Variants in PPFIA2 observed in about 807,000 individuals in gnomAD.
PPFIA2 encodes PPFI scaffold protein A2, also known as liprin-alpha-2.
Under a neutral mutation model 175.5 loss-of-function variants are expected in PPFIA2, and 46 were observed. The ratio of observed to expected loss-of-function variants is 0.26; its 90% CI spans 0.21 to 0.34. PPFIA2 has a LOEUF of 0.34. PPFIA2 is among the 10% of genes least tolerant of loss of function. The pLI is 1.00. For synonymous variants in PPFIA2, 568 were observed against 511.4 expected, an observed-to-expected ratio of 1.11 and a Z score of -1.49; for missense variants, 1,179 against 1,506.1, an observed-to-expected ratio of 0.78 and a Z score of 3.60.
intron 3 of PPFIA2, among the ~76,000 whole-genome samples, chr12:81,732,693 A>T (rs547159011): frequency 2.0e-5 from 3 of 151,588 alleles, no homozygotes; most frequent in Non-Finnish European, 4.4e-5. Context: ...TTAATGACAT[A>T]GATAATTGCT....
chr12:81,738,765 G>C (rs951808079), intron 3 of PPFIA2, among the ~76,000 whole-genome samples: 1 of 151,298 alleles, frequency 6.6e-6, no homozygotes, highest in Non-Finnish European at 1.5e-5. Flanking sequence ...TAATTATAAA[G>C]ATACCAAATA....
At chr12:81,263,925 G>A (rs574002641) in intron 30 of PPFIA2, among the ~76,000 whole-genome samples, 1 of 152,130 alleles carries the variant, frequency 6.6e-6, no homozygotes, top group Non-Finnish European at 1.5e-5. Flanking sequence ...CTAAATATGT[G>A]ATTTGTGAAG....
At chr12:81,366,951 TGTAC>T in intron 14 of PPFIA2, among the ~76,000 whole-genome samples, 153 bp downstream of exon 14, 1 of 151,820 alleles carries the variant, frequency 6.6e-6, no homozygotes, top group South Asian at 2.1e-4. Flanking sequence ...TTCCTCTCTA[TGTAC>T]GCTTTTCTGC....
At chr12:81,580,187 C>T (rs1454514059) in intron 4 of PPFIA2, among the ~76,000 whole-genome samples, 2 of 151,796 alleles carry the variant, frequency 1.3e-5, no homozygotes, top group African/African-American at 4.8e-5. Context: ...TGCATTCGTG[C>T]ATGTCAAGCC....
intron 18 of PPFIA2, among the ~76,000 whole-genome samples, chr12:81,345,764 T>C (rs1168275557): frequency 6.6e-6 from 1 of 152,188 alleles, no homozygotes; most frequent in East Asian, 1.9e-4. Context: ...ATATCTTATA[T>C]AGGCAGAAAC....
intron 3 of PPFIA2, among the ~76,000 whole-genome samples, chr12:81,680,572 ACT>A (rs1475477226): frequency 6.6e-6 from 1 of 151,662 alleles, no homozygotes; most frequent in Non-Finnish European, 1.5e-5. Flanking sequence ...ATATCCCGTG[ACT>A]CTCCCAGAAC....
chr12:81,431,501 GC>G (rs1403136482), intron 7 of PPFIA2: 1 of 152,084 alleles, frequency 6.6e-6, no homozygotes, highest in Non-Finnish European at 1.5e-5. Flanking sequence ...ATTCAAAAAG[GC>G]CTAAAATTAC....
At chr12:81,552,789 C>T (rs777305876) in intron 4 of PPFIA2, among the ~76,000 whole-genome samples, 19 of 152,090 alleles carry the variant, frequency 1.2e-4, no homozygotes, top group Non-Finnish European at 1.8e-4. Context: ...ATCCCATTCA[C>T]GCTAAACAGT....
intron 4 of PPFIA2, among the ~76,000 whole-genome samples, chr12:81,554,437 C>T (rs986798216): frequency 1.3e-5 from 2 of 151,990 alleles, no homozygotes; most frequent in Admixed American, 6.6e-5. Flanking sequence ...AACTCTGCTC[C>T]TACCTAAATC....
chr12:81,696,961 T>A (rs2075966791), intron 3 of PPFIA2, among the ~76,000 whole-genome samples: 1 of 151,970 alleles, frequency 6.6e-6, no homozygotes, highest in Non-Finnish European at 1.5e-5. Flanking sequence ...AGAAATAGGT[T>A]TTTTTGACAT....
At position 81,362,781 on chromosome 12, in the gene PPFIA2, T is replaced by C. The variant is rs1018134188; in HGVS notation, c.1549A>G (p.Arg517Gly). Reference sequence around the variant, plus strand: ...AGCTTTTCAATTTCTTCTGCTAATCTTTCCTAAAAAATCAAAACAGTGTTA... The same window carrying C: ...AGCTTTTCAATTTCTTCTGCTAATCCTTCCTAAAAAATCAAAACAGTGTTA... The part of the protein sequence containing the change: ...NLEESLHDKE[R>G]LAEEIEKLRS... Residue 517 changes from arginine to glycine, a missense_variant, in exon 15 of 33, where the codon AGA becomes GGA. Arg to Gly is a moderately radical substitution (Grantham distance 125). This residue lies in a region of PPFIA2 where 186 missense variants were observed against 163.6 expected (regional missense o/e 1.14). Transcript: ENST00000549396. The C allele has an allele frequency of 1.3e-6, 2 of 1,541,690 alleles. No homozygotes were observed. Among genetic ancestry groups the C allele is most frequent in the African/African-American group, 1.4e-5 (1 of 72,724 alleles).
Position 81,705,920 on chromosome 12 carries a change from G to T in PPFIA2, c.250-29076C>A, listed in dbSNP as rs1244977236. On this transcript the variant is annotated intron_variant, in intron 3 of 32. Transcript: ENST00000549396. Reference sequence around the variant, plus strand: ...ATTCAGCAGCTACTAGTCACAGATAGGTATTTAGCACTTGAAATGTGGCTA... The same window carrying T: ...ATTCAGCAGCTACTAGTCACAGATATGTATTTAGCACTTGAAATGTGGCTA... 2.0e-5 allele frequency among the ~76,000 whole-genome samples: 3 copies of T among 152,254 alleles called. No homozygotes were observed. In the East Asian group the frequency reaches 5.8e-4, roughly 29 times the overall value.
intron 4 of PPFIA2, among the ~76,000 whole-genome samples, chr12:81,531,997 C>T (rs2064639089): frequency 6.6e-6 from 1 of 151,766 alleles, no homozygotes; most frequent in Admixed American, 6.6e-5. Flanking sequence ...ATGAGCTGCT[C>T]AATTCCTAAA....
intron 4 of PPFIA2, among the ~76,000 whole-genome samples, chr12:81,552,365 A>ATT (rs139313256): frequency 1.7e-3 from 248 of 149,694 alleles, no homozygotes; most frequent in Admixed American, 3.1e-3. Flanking sequence ...TAATATACAC[A>ATT]TTTTTTTTTT....
chr12:81,498,075 A>AT (rs1372732642), intron 4 of PPFIA2, among the ~76,000 whole-genome samples: 1 of 152,214 alleles, frequency 6.6e-6, no homozygotes, highest in East Asian at 1.9e-4. Context: ...CAGAGTTGGC[A>AT]TGGTGCAAGA....
intron 5 of PPFIA2, among the ~76,000 whole-genome samples, chr12:81,449,387 G>T (rs1415176842): frequency 1.3e-5 from 2 of 150,528 alleles, no homozygotes; most frequent in Non-Finnish European, 3.0e-5. Flanking sequence ...CCCCTTTTTG[G>T]ATATAGATTT....
intron 22 of PPFIA2, among the ~76,000 whole-genome samples, chr12:81,316,521 A>T (rs1478616381): frequency 6.6e-6 from 1 of 151,606 alleles, no homozygotes; most frequent in Non-Finnish European, 1.5e-5. Context: ...TGGTTTATTT[A>T]TTAGGGAACA....
Position 81,294,859 on chromosome 12 carries a change from A to G in PPFIA2, c.2901T>C (p.Pro967=), listed in dbSNP as rs1365853602. 2.5e-6 allele frequency: 4 copies of G among 1,613,312 alleles called. No individual in the cohort carries two copies. In the South Asian group the frequency reaches 4.4e-5, roughly 18 times the overall value. ...CAGTTCGAGATGTTGGAGGAGCTGA[A>G]GGACTTGTTAGGGAAACCATCTCCT... ...AIQEMVSLTS[P]SAPPTSRTPS... is the part of the protein sequence containing the mutation. The change falls in exon 24 of 33, where the codon CCT becomes CCC. Residue 967 remains proline (P), a synonymous_variant. Coordinates refer to ENST00000549396, the MANE Select transcript of PPFIA2 (RefSeq NM_003625.5).
At chr12:81,557,899 C>T (rs2069180412) in intron 4 of PPFIA2, among the ~76,000 whole-genome samples, 1 of 151,984 alleles carries the variant, frequency 6.6e-6, no homozygotes, top group Non-Finnish European at 1.5e-5. Context: ...AATTATTTTT[C>T]TAATACCATC....
Sources: gnomAD v4.1 joint callset for allele counts (sites outside exome capture counted in the v4.1 genomes callset) on GRCh38, gnomAD v4.1.1 for gene constraint, gnomAD v4.1.1 regional missense constraint, MANE v1.5 for transcripts, NCBI Gene and HGNC (gene_info 2026-07-23, HGNC 2026-07-21) for gene names.